The following MDGA1 variants were observed in gnomAD, a reference collection of about 807,000 sequenced individuals.
MDGA1 encodes the protein MAM domain-containing glycosylphosphatidylinositol anchor protein 1.
MDGA1 carries 54 observed loss-of-function variants against 101.5 expected under a neutral mutation model. That is an observed-to-expected ratio of 0.53 (90% CI 0.43 to 0.67). The LOEUF (loss-of-function observed/expected upper bound fraction) is 0.67. Among genes scored for constraint, MDGA1 ranks in the 30% least tolerant of loss-of-function variants. MDGA1 has a pLI of 0.00. For synonymous variants in MDGA1, 533 were observed against 558.3 expected, an observed-to-expected ratio of 0.95 and a Z score of 0.64; for missense variants, 1,083 against 1,323.8, an observed-to-expected ratio of 0.82 and a Z score of 2.82.
At chr6:37,675,035 C>T (rs557279157) in intron 1 of MDGA1, among the ~76,000 whole-genome samples, 14 of 152,158 alleles carry the variant, frequency 9.2e-5, no homozygotes, top group Middle Eastern at 6.8e-3. Flanking sequence ...CCAGCCTGGG[C>T]GACAGAGAGA....
intron 1 of MDGA1, among the ~76,000 whole-genome samples, chr6:37,677,829 G>T (rs1160492130): frequency 1.3e-5 from 2 of 152,206 alleles, no homozygotes; most frequent in Non-Finnish European, 1.5e-5. Context: ...GTCTCCCACA[G>T]CCTGGCAGAC....
Position 37,654,202 on chromosome 6 carries a change from T to C in MDGA1, c.982+72A>G, listed in dbSNP as rs1003879390. The C allele has an allele frequency of 6.2e-6, 9 of 1,457,612 alleles. No homozygotes were observed. In the East Asian group the frequency reaches 1.2e-4, roughly 20 times the overall value. 90.3% of individuals were successfully genotyped at this position (1,457,612 alleles called of 1,614,324 possible). A position where few individuals can be genotyped will look rare whatever the true frequency, so the allele number is the denominator to read the frequency against. ...GCAGACAGGCCCCTTTCCTAGTTCA[T>C]TGGTAGCTCCCAAAGACCAGGGACC... On this transcript the variant is annotated intron_variant, in intron 6 of 16. Transcript: ENST00000434837.
chr6:37,647,316 A>G lies in MDGA1; in HGVS notation c.1903T>C (p.Tyr635His). ...ACLFQVSAKA[Y>H]SPEFYFDTPN... ...GTGTCGAAGTAAAACTCCGGGCTGTAGGCTTTGGCTAAGAGGGCGGGGAGG... is the reference window on the plus strand; with the variant it reads ...GTGTCGAAGTAAAACTCCGGGCTGTGGGCTTTGGCTAAGAGGGCGGGGAGG... The change falls in exon 10 of 17, where the codon TAC becomes CAC. Residue 635 changes from tyrosine to histidine, a missense_variant. Around this residue, in one of 3 missense-constraint regions of MDGA1, gnomAD observed 657 missense variants for 771.4 expected, o/e 0.85. Coordinates refer to ENST00000434837, the MANE Select transcript of MDGA1 (RefSeq NM_153487.4). 2 of 1,543,992 alleles carry G rather than the reference A, an allele frequency of 1.3e-6. No individual in the cohort carries two copies. Among genetic ancestry groups the G allele is most frequent in the Non-Finnish European group, 1.8e-6 (2 of 1,142,312 alleles).
At chr6:37,674,272 C>G (rs1414400767) in intron 1 of MDGA1, among the ~76,000 whole-genome samples, 1 of 152,264 alleles carries the variant, frequency 6.6e-6, no homozygotes, top group African/African-American at 2.4e-5. Context: ...GGCGCTGTCA[C>G]TGAATACAGC....
chr6:37,638,301 C>A lies in MDGA1; in HGVS notation c.2680G>T (p.Gly894Trp). The change falls in exon 16 of 17, where the codon GGG becomes TGG. Residue 894 changes from glycine to tryptophan, a missense_variant. Coordinates refer to ENST00000434837, the MANE Select transcript of MDGA1 (RefSeq NM_153487.4). This position sits in a 1 kb window ranked among gnomAD's most constrained non-coding sequence, Gnocchi z 4.8. ...CCCAGGTAGCCCGGGCCTCGAACCCCCTCAAAAATAATCTGGGGTGGGGTC... is the reference window on the plus strand; with the variant it reads ...CCCAGGTAGCCCGGGCCTCGAACCCACTCAAAAATAATCTGGGGTGGGGTC... The part of the protein sequence containing the change: ...PSGPFQIIFE[G>W]VRGPGYLGDI... 6.2e-7 allele frequency: 1 copy of A among 1,607,524 alleles called. No individual in the cohort carries two copies. The highest frequency in any genetic ancestry group is 1.1e-5 in the South Asian group (1 of 90,036).
Position 37,664,024 on chromosome 6 carries a change from G to A in MDGA1, c.150C>T (p.Ile50=). The A allele has an allele frequency of 6.2e-7, 1 of 1,613,984 alleles. No homozygotes were observed. Among genetic ancestry groups the A allele is most frequent in the East Asian group, 2.2e-5 (1 of 44,886 alleles). ...EDNISERVYT[I]REGDTLMLQC... ...GCAGCATGAGGGTGTCCCCCTCCCG[G>A]ATGGTGTAGACACGCTCGCTGATAT... is the stretch of plus-strand genomic sequence containing the variant. Residue 50 remains isoleucine (I), a synonymous_variant, in exon 2 of 17, where the codon ATC becomes ATT. Transcript: ENST00000434837.
chr6:37,643,723 G>A (rs1764147558), intron 14 of MDGA1, 86 bp downstream of exon 14: 1 of 1,564,418 alleles, frequency 6.4e-7, no homozygotes, highest in Admixed American at 1.8e-5. Flanking sequence ...GCCTCACATG[G>A]GCCAGCCCAT....
At position 37,645,972 on chromosome 6, in the gene MDGA1, G is replaced by A; in HGVS notation, c.2225-16C>T. On this transcript the variant is annotated splice_polypyrimidine_tract_variant and intron_variant, in intron 11 of 16. Transcript: ENST00000434837. ...GAGTTGATGGCTGAGAAAGCAAGCG[G>A]GGAAACCAAGTCAGAACTGAGGTGT... 2 of 1,613,996 alleles carry A rather than the reference G, an allele frequency of 1.2e-6. No individual in the cohort carries two copies. Among genetic ancestry groups the A allele is most frequent in the Non-Finnish European group, 1.7e-6 (2 of 1,179,892 alleles).
In MDGA1 at chr6:37,650,145, G is replaced by A. The variant is rs1271401275; in HGVS notation, c.1573C>T (p.Arg525Cys). 4 of 1,606,638 alleles carry A rather than the reference G, an allele frequency of 2.5e-6. No homozygotes were observed. Among genetic ancestry groups the A allele is most frequent in the African/African-American group, 1.3e-5 (1 of 74,904 alleles). Residue 525 changes from arginine to cysteine, a missense_variant, in exon 8 of 17, where the codon CGC (arginine) becomes TGC (cysteine). Physicochemically the swap from Arg to Cys is radical, Grantham distance 180. Around this residue, in one of 3 missense-constraint regions of MDGA1, gnomAD observed 657 missense variants for 771.4 expected, o/e 0.85. Transcript: ENST00000434837. ...AGCTGCACCTGGGCCTCACGGGGGC[G>A]CACGTTGAAGCCATTATAGCGGGCC... ...QTARYNGFNV[R>C]PREAQVQLNV...
At position 37,655,585 on chromosome 6, in the gene MDGA1, AAAGT is replaced by A. The variant is rs1761464847; in HGVS notation, c.579+111_579+114del. 4 of 785,716 alleles carry A rather than the reference AAAGT, an allele frequency of 5.1e-6. No individual in the cohort carries two copies. In the African/African-American group the frequency reaches 7.0e-5, roughly 14 times the overall value. 48.7% of individuals were successfully genotyped at this position (785,716 alleles called of 1,614,324 possible). A position where few individuals can be genotyped will look rare whatever the true frequency, so the allele number is the denominator to read the frequency against. On this transcript the variant is annotated intron_variant, in intron 4 of 16. Transcript: ENST00000434837. This position sits in a 1 kb window ranked among gnomAD's most constrained non-coding sequence, Gnocchi z 5.1. ...AACTCCAATCAGAATGTGTGTTTCC[AAAGT>A]AAGAATAGAATTGTTGAAGTCAAGG... is the stretch of plus-strand genomic sequence containing the variant.
At chr6:37,687,824 CA>C (rs1762228197) in intron 1 of MDGA1, among the ~76,000 whole-genome samples, 1 of 152,012 alleles carries the variant, frequency 6.6e-6, no homozygotes, top group South Asian at 2.1e-4. Context: ...GGCCACATTT[CA>C]AAAAGGTACC....
At chr6:37,676,522 G>C (rs1313554272) in intron 1 of MDGA1, among the ~76,000 whole-genome samples, 1 of 152,240 alleles carries the variant, frequency 6.6e-6, no homozygotes, top group Admixed American at 6.5e-5. Context: ...GCTGCAGTGG[G>C]CATCTGGGGA....
Position 37,697,276 on chromosome 6 carries a change from G to C in MDGA1, c.-465C>G, listed in dbSNP as rs1292178802. ...AGTCGGGGAGGCCGGGGCTCCGCTC[G>C]AGTTAATCAATCTGCTGTTTCCAGT... On this transcript the variant is annotated 5_prime_UTR_variant, in exon 1 of 17. Transcript: ENST00000434837. 1 of 156,934 alleles carries C rather than the reference G, an allele frequency of 6.4e-6. No individual in the cohort carries two copies. Among genetic ancestry groups the C allele is most frequent in the African/African-American group, 2.4e-5 (1 of 41,666 alleles). The allele number at this position is 156,934 out of a possible 1,614,324, so 9.7% of individuals were successfully genotyped here.
At chr6:37,671,147 A>T (rs1445720558) in intron 1 of MDGA1, among the ~76,000 whole-genome samples, 1 of 152,212 alleles carries the variant, frequency 6.6e-6, no homozygotes, top group African/African-American at 2.4e-5. Context: ...TGTGCCACAG[A>T]GTGTTCACTG....
At chr6:37,688,595 G>A (rs1160189942) in intron 1 of MDGA1, among the ~76,000 whole-genome samples, 1 of 152,148 alleles carries the variant, frequency 6.6e-6, no homozygotes, top group East Asian at 1.9e-4. Context: ...AGCCTCCCTG[G>A]CCTGCCACAT....
At chr6:37,682,146 T>G (rs1762109115) in intron 1 of MDGA1, among the ~76,000 whole-genome samples, 2 of 152,226 alleles carry the variant, frequency 1.3e-5, no homozygotes, top group Non-Finnish European at 2.9e-5. Flanking sequence ...GGCCACCAGC[T>G]TGGTGAGACC....
At chr6:37,692,640 C>T (rs1438726984) in intron 1 of MDGA1, among the ~76,000 whole-genome samples, 3 of 152,052 alleles carry the variant, frequency 2.0e-5, no homozygotes, top group Non-Finnish European at 2.9e-5. Flanking sequence ...GCCTTGGCGG[C>T]TGTGATTAGC....
At chr6:37,660,058 G>C (rs1761586390) in intron 2 of MDGA1, among the ~76,000 whole-genome samples, 1 of 142,466 alleles carries the variant, frequency 7.0e-6, no homozygotes, top group East Asian at 2.1e-4. Flanking sequence ...TTAATCACTA[G>C]AGATGAGGTC....
chr6:37,665,843 G>A (rs551305344), intron 1 of MDGA1, among the ~76,000 whole-genome samples: 17 of 152,172 alleles, frequency 1.1e-4, no homozygotes, highest in Admixed American at 7.2e-4. Flanking sequence ...TAACATGCAC[G>A]TTTGCTTACT....
Sources: allele counts gnomAD v4.1 joint callset (sites outside exome capture counted in the v4.1 genomes callset), GRCh38; gene constraint gnomAD v4.1.1; regional missense constraint gnomAD v4.1.1; non-coding constraint Gnocchi (gnomAD v3.1); transcripts MANE v1.5; gene names NCBI Gene and HGNC (gene_info 2026-07-23, HGNC 2026-07-21).